Variants in AGAP3 observed in about 807,000 individuals in gnomAD.
The protein encoded by AGAP3 is arf-GAP with GTPase, ANK repeat and PH domain-containing protein 3.
A neutral mutation model predicts 96.9 loss-of-function variants in AGAP3; 24 were observed. The observed-to-expected ratio is 0.25, with a 90% CI of 0.18 to 0.35. The LOEUF is 0.35. Ranked by LOEUF, AGAP3 falls within the 10% of genes least tolerant of loss-of-function variation. The pLI is 1.00. For missense variants in AGAP3, 876 were observed against 1,254.2 expected, an observed-to-expected ratio of 0.70 and a Z score of 4.55; for synonymous variants, 563 against 536.1, an observed-to-expected ratio of 1.05 and a Z score of -0.69.
chr7:151,098,895 G>A (rs935777193), intron 1 of AGAP3, among the ~76,000 whole-genome samples: 6 of 151,098 alleles, frequency 4.0e-5, no homozygotes, highest in East Asian at 4.1e-4. Context: ...CACCACAGCC[G>A]GCTAATTTTT....
intron 1 of AGAP3, among the ~76,000 whole-genome samples, chr7:151,097,075 C>A (rs995093982): frequency 6.6e-6 from 1 of 152,106 alleles, no homozygotes; most frequent in Non-Finnish European, 1.5e-5. Context: ...GTGAGTGAGC[C>A]ACCGCGCCCG....
chr7:151,117,646 G>C lies in AGAP3; in HGVS notation c.575G>C (p.Trp192Ser), dbSNP rs762477131. 1.9e-6 allele frequency: 3 copies of C among 1,614,146 alleles called. No individual in the cohort carries two copies. The highest frequency in any genetic ancestry group is 2.5e-6 in the Non-Finnish European group (3 of 1,179,982). Residue 192 changes from tryptophan to serine, a missense_variant, in exon 5 of 18, where the codon TGG becomes TCG. Around this residue, in one of 8 missense-constraint regions of AGAP3, gnomAD observed 131 missense variants for 304.5 expected, o/e 0.43. Transcript: ENST00000397238. ...CTTGCTCTACCCTAGTTTGCTGCCT[G>C]GGTGGATGCAGTGGTGTTTGTGTTC... Reference protein sequence around the residue: ...GGPPELQFAAWVDAVVFVFSL... With the variant: ...GGPPELQFAASVDAVVFVFSL...
chr7:151,120,037 C>T lies in AGAP3; in HGVS notation c.1020C>T (p.Pro340=), dbSNP rs1424893911. Residue 340 remains proline, a synonymous_variant, in exon 8 of 18, where the codon CCC becomes CCT. Transcript: ENST00000397238. ...TCAGCGACTACTCGTCCTCAGTCCC[C>T]TCCACCCCCAGCATCAGCCAGCGGG... The part of the protein sequence containing the change: ...SAFSDYSSSV[P]STPSISQREL... 1.2e-6 allele frequency: 2 copies of T among 1,614,020 alleles called. No individual in the cohort carries two copies. The highest frequency in any genetic ancestry group is 3.3e-5 in the Admixed American group (2 of 60,020).
intron 1 of AGAP3, among the ~76,000 whole-genome samples, chr7:151,090,723 C>A (rs1439441307): frequency 6.6e-6 from 1 of 152,148 alleles, no homozygotes; most frequent in Non-Finnish European, 1.5e-5. Context: ...GCGGGCGGAT[C>A]ACGAGGTCAG....
At position 151,138,298 on chromosome 7, in the gene AGAP3, G is replaced by GCAGGGGGCTCTGCTGGGT; in HGVS notation, c.1651_1652insCAGGGGGCTCTGCTGGGT (p.Gly551delinsAlaGlyGlySerAlaGlyCys). The GCAGGGGGCTCTGCTGGGT allele has an allele frequency of 1.9e-6, 3 of 1,612,032 alleles. No homozygotes were observed. The South Asian group carries it at 3.3e-5, about 18-fold the overall frequency. On this transcript the variant is annotated protein_altering_variant, in exon 12 of 18. Coordinates refer to ENST00000397238, the MANE Select transcript of AGAP3 (RefSeq NM_031946.7). ...TGAGGCCACCACTTCCCTGCCCCCA[G>GCAGGGGGCTCTGCTGGGT]GCATGCAGCACCCTGGTGAGTGGTG...
intron 1 of AGAP3, among the ~76,000 whole-genome samples, chr7:151,105,960 T>TA (rs1449552494): frequency 6.6e-6 from 1 of 151,742 alleles, no homozygotes; most frequent in African/African-American, 2.4e-5. Flanking sequence ...TTTAGTCTCT[T>TA]AAAATGACAG....
intron 11 of AGAP3, chr7:151,136,205 G>T (rs1245869227): frequency 6.6e-6 from 1 of 152,304 alleles, no homozygotes; most frequent in African/African-American, 2.4e-5. Context: ...GCAGGCCCAA[G>T]TGAGTCCCTT....
intron 1 of AGAP3, among the ~76,000 whole-genome samples, chr7:151,107,090 A>G (rs1344993150): frequency 6.6e-6 from 1 of 151,756 alleles, no homozygotes; most frequent in East Asian, 1.9e-4. Flanking sequence ...GAGGTAGATC[A>G]CCTGAGGTCA....
chr7:151,132,759 G>A (rs1800449065), intron 10 of AGAP3, among the ~76,000 whole-genome samples: 1 of 152,206 alleles, frequency 6.6e-6, no homozygotes. Flanking sequence ...CCTCCGTCTA[G>A]CTGGTAACCT....
Position 151,143,212 on chromosome 7 carries a change from T to C in AGAP3, c.2274-129T>C, listed in dbSNP as rs1303263402. ...GCTTCTCTCCTTCCTTTTTGCTCCA[T>C]CTCATCTTCTCTCACTGTTTCTTCC... On this transcript the variant is annotated intron_variant, in intron 16 of 17. Transcript: ENST00000397238. This position sits in a 1 kb window ranked among gnomAD's most constrained non-coding sequence, Gnocchi z 5.9. 2 of 1,170,060 alleles carry C rather than the reference T, an allele frequency of 1.7e-6. No homozygotes were observed. The highest frequency in any genetic ancestry group is 2.4e-6 in the Non-Finnish European group (2 of 842,770). The allele number at this position is 1,170,060 out of a possible 1,614,324, so 72.5% of individuals were successfully genotyped here.
chr7:151,088,965 G>A (rs566502760), intron 1 of AGAP3, among the ~76,000 whole-genome samples: 9 of 152,124 alleles, frequency 5.9e-5, no homozygotes, highest in East Asian at 1.9e-4. Flanking sequence ...CCCGGGAGCC[G>A]GTGTCTCACT....
At chr7:151,110,885 A>G (rs6945607) in intron 1 of AGAP3, among the ~76,000 whole-genome samples, 121,439 of 152,108 alleles carry the variant, frequency 0.8, 48,814 homozygotes, top group East Asian at 0.98. Flanking sequence ...TGCTGTTGAA[A>G]ATGGGGGATG....
Position 151,142,470 on chromosome 7 carries a change from C to T in AGAP3, c.2109C>T (p.Ile703=). 6.2e-7 allele frequency: 1 copy of T among 1,614,018 alleles called. No homozygotes were observed. Among genetic ancestry groups the T allele is most frequent in the Admixed American group, 1.7e-5 (1 of 60,032 alleles). Reference sequence around the variant, plus strand: ...TGATGTGCATTGAGTGCTCAGGCATCCACCGACACCTGGGGGCTCACCTGT... The same window carrying T: ...TGATGTGCATTGAGTGCTCAGGCATTCACCGACACCTGGGGGCTCACCTGT... The part of the protein sequence containing the change: ...GALMCIECSG[I]HRHLGAHLSR... The change falls in exon 16 of 18, where the codon ATC becomes ATT. Residue 703 remains isoleucine, a synonymous_variant. Transcript: ENST00000397238. The surrounding 1 kb of genome is among the most constrained non-coding windows in gnomAD (Gnocchi z 7.5).
chr7:151,127,199 C>T (rs1362213382), intron 9 of AGAP3, among the ~76,000 whole-genome samples: 1 of 152,154 alleles, frequency 6.6e-6, no homozygotes, highest in Non-Finnish European at 1.5e-5. Flanking sequence ...CAGTATTTAC[C>T]CCCCACCCTT....
rs534311492 is a variant in AGAP3, at chr7:151,118,064, T to A, written c.707-146T>A. 8.0e-5 allele frequency: 92 copies of A among 1,145,112 alleles called. No homozygotes were observed. The highest frequency in any genetic ancestry group is 1.1e-4 in the Non-Finnish European group (90 of 816,482). The allele number at this position is 1,145,112 out of a possible 1,614,324, so 70.9% of individuals were successfully genotyped here. The stretch of plus-strand genomic sequence containing the variant: ...CAGTGAGGCCATGGAAGGGTTGAAA[T>A]GAGACCCAGGCACCCGCGTTCTTGG... On this transcript the variant is annotated intron_variant, in intron 5 of 17. Transcript: ENST00000397238. The surrounding 1 kb of genome is among the most constrained non-coding windows in gnomAD (Gnocchi z 6.1).
At chr7:151,109,576 T>G (rs2150441467) in intron 1 of AGAP3, among the ~76,000 whole-genome samples, 1 of 152,320 alleles carries the variant, frequency 6.6e-6, no homozygotes, top group East Asian at 1.9e-4. Context: ...CAGATTGGAT[T>G]CAGGGCCCAC....
chr7:151,087,349 G>GC, intron 1 of AGAP3: 4 of 462,632 alleles, frequency 8.6e-6, no homozygotes, highest in South Asian at 2.3e-5. Context: ...ATCTGTCCAG[G>GC]CCTGGCCGGG....
chr7:151,103,854 C>G (rs539517581), intron 1 of AGAP3, among the ~76,000 whole-genome samples: 4 of 152,302 alleles, frequency 2.6e-5, no homozygotes, highest in Admixed American at 2.0e-4. Flanking sequence ...GTAGAAGGCC[C>G]GAGTCCTGGA....
At chr7:151,123,244 A>G in intron 8 of AGAP3, 4 of 1,056,120 alleles carry the variant, frequency 3.8e-6, no homozygotes, top group Non-Finnish European at 4.6e-6. Context: ...GCCTCCCCCT[A>G]TTTCCTAGGA....
Sources: allele counts gnomAD v4.1 joint callset (sites outside exome capture counted in the v4.1 genomes callset), GRCh38; gene constraint gnomAD v4.1.1; regional missense constraint gnomAD v4.1.1; non-coding constraint Gnocchi (gnomAD v3.1); transcripts MANE v1.5; gene names NCBI Gene and HGNC (gene_info 2026-07-23, HGNC 2026-07-21).